The following PRELID2 variants were observed in gnomAD, a reference collection of about 807,000 sequenced individuals.
PRELID2 encodes PRELI domain-containing protein 2.
Under a neutral mutation model 28.4 loss-of-function variants are expected in PRELID2, and 25 were observed. The ratio of observed to expected loss-of-function variants is 0.88; its 90% CI spans 0.64 to 1.23. The LOEUF (loss-of-function observed/expected upper bound fraction) is 1.23. Ranked by LOEUF, PRELID2 falls within the 50% of genes most tolerant of loss-of-function variation. PRELID2 has a pLI of 0.00. For missense variants in PRELID2, 201 were observed against 214.4 expected, an observed-to-expected ratio of 0.94 and a Z score of 0.39; for synonymous variants, 76 against 71.6, an observed-to-expected ratio of 1.06 and a Z score of -0.31.
chr5:145,730,770 C>G (rs1003008341), intron 1 of PRELID2, among the ~76,000 whole-genome samples: 5 of 152,304 alleles, frequency 3.3e-5, no homozygotes, highest in Admixed American at 6.5e-5. Flanking sequence ...AATAACATCT[C>G]TAACCAGAAA....
chr5:145,336,220 G>C, the PRELID2 span, among the ~76,000 whole-genome samples: 3 of 151,996 alleles, frequency 2.0e-5, no homozygotes, highest in Non-Finnish European at 4.4e-5. Flanking sequence ...CCATTTTGTA[G>C]GTTGCCTGTT....
intron 1 of PRELID2, among the ~76,000 whole-genome samples, chr5:145,489,716 T>G (rs1221362552): frequency 6.6e-6 from 1 of 152,114 alleles, no homozygotes; most frequent in East Asian, 1.9e-4. Flanking sequence ...TTCCTCATAA[T>G]CACCAGGTTA....
chr5:145,626,992 C>T (rs780001323), intron 1 of PRELID2, among the ~76,000 whole-genome samples: 50 of 150,762 alleles, frequency 3.3e-4, no homozygotes, highest in Non-Finnish European at 6.3e-4. Flanking sequence ...CCCAGCTATT[C>T]TAGAGGCTGA....
rs1234564956 is a variant in PRELID2 at position 145,740,882 on chromosome 5, G to A, written n.70+24049C>T. 3.2e-5 allele frequency among the ~76,000 whole-genome samples: 3 copies of A among 93,622 alleles called. 1 individual carries two copies. The highest frequency in any genetic ancestry group is 4.8e-5 in the African/African-American group (1 of 20,806). The allele number at this position is 93,622 out of a possible 152,430, so 61.4% of individuals were successfully genotyped here. ...CATATATTTATCGATAAATATATAT[G>A]TACATATATTTATCGATAAATATAT... On this transcript the variant is annotated intron_variant and non_coding_transcript_variant, in intron 1 of 2. Coordinates refer to the PRELID2 transcript ENST00000510259.
downstream of PRELID2, among the ~76,000 whole-genome samples, chr5:145,468,418 T>C (rs1752022925): frequency 6.6e-6 from 1 of 152,190 alleles, no homozygotes; most frequent in South Asian, 2.1e-4. Flanking sequence ...TTATAATCCT[T>C]TGGGTATATA....
the PRELID2 span, among the ~76,000 whole-genome samples, chr5:145,269,225 T>C: frequency 4.3e-4 from 66 of 152,164 alleles, no homozygotes; most frequent in South Asian, 2.1e-3. Flanking sequence ...AAAGAATTCT[T>C]TAAAATAAGA....
the PRELID2 span, among the ~76,000 whole-genome samples, chr5:145,330,124 A>G: frequency 1.3e-5 from 2 of 152,120 alleles, no homozygotes; most frequent in African/African-American, 2.4e-5. Context: ...GAATGAAGCC[A>G]AGTTGATCAT....
At chr5:145,658,367 T>G (rs886598689) in intron 1 of PRELID2, among the ~76,000 whole-genome samples, 3 of 152,202 alleles carry the variant, frequency 2.0e-5, no homozygotes, top group African/African-American at 4.8e-5. Flanking sequence ...TAATGGAGCA[T>G]GCATTTCCAT....
the PRELID2 span, among the ~76,000 whole-genome samples, chr5:145,458,597 G>A: frequency 1.9e-3 from 289 of 152,228 alleles, 1 homozygote; most frequent in African/African-American, 6.7e-3. Flanking sequence ...AGAAACCATG[G>A]ATGCTGTATA....
chr5:145,389,064 C>A, the PRELID2 span, among the ~76,000 whole-genome samples: 3 of 152,074 alleles, frequency 2.0e-5, no homozygotes, highest in Admixed American at 1.3e-4. Context: ...AAATATTTAC[C>A]AAATGAATAT....
chr5:145,786,655 A>G (rs112683084), intron 5 of PRELID2, among the ~76,000 whole-genome samples: 2 of 152,356 alleles, frequency 1.3e-5, no homozygotes, highest in Non-Finnish European at 2.9e-5. Flanking sequence ...GGTAATACAT[A>G]TGTGTTGTTT....
chr5:145,770,775 G>A (rs1758052190), intron 5 of PRELID2, among the ~76,000 whole-genome samples: 1 of 152,082 alleles, frequency 6.6e-6, no homozygotes, highest in Non-Finnish European at 1.5e-5. Flanking sequence ...ATAGAAAAAA[G>A]TTTCTAGAAT....
Position 145,711,276 on chromosome 5 carries a change from T to C in PRELID2, n.70+53655A>G, listed in dbSNP as rs374594165. Among the ~76,000 whole-genome samples, 479 of 152,270 alleles carry C rather than the reference T, an allele frequency of 3.1e-3. 1 individual carries two copies. The highest frequency in any genetic ancestry group is 0.011 in the African/African-American group (442 of 41,544). The stretch of plus-strand genomic sequence containing the variant: ...TAACAAAAAGAATAGGACAGTGACC[T>C]ACAAAATCGCAGTTTTGTGGAGGCC... On this transcript the variant is annotated intron_variant and non_coding_transcript_variant, in intron 1 of 2. Coordinates refer to the PRELID2 transcript ENST00000510259.
rs144261153 is a variant in PRELID2, at chr5:145,639,894, C to A, written n.70+125037G>T. ...TTTTCTCTTTAACTTAGCCTATACT[C>A]CCAGATGGCCAAAAGCAGTTGAAGC... is the stretch of plus-strand genomic sequence containing the variant. On this transcript the variant is annotated intron_variant and non_coding_transcript_variant, in intron 1 of 2. Transcript: ENST00000510259. Among the ~76,000 whole-genome samples the A allele has an allele frequency of 3.7e-3, 570 of 152,262 alleles. 2 individuals carry two copies. The highest frequency in any genetic ancestry group is 0.013 in the African/African-American group (553 of 41,538).
chr5:145,499,076 C>T (rs1261970201), intron 1 of PRELID2, among the ~76,000 whole-genome samples: 1 of 151,972 alleles, frequency 6.6e-6, no homozygotes, highest in Non-Finnish European at 1.5e-5. Flanking sequence ...AGCAAGACTC[C>T]ATCACTAGGA....
intron 1 of PRELID2, among the ~76,000 whole-genome samples, chr5:145,563,060 G>T (rs1752937351): frequency 6.6e-6 from 1 of 152,174 alleles, no homozygotes; most frequent in Admixed American, 6.5e-5. Flanking sequence ...ACCATTCTTT[G>T]TTAATGTGGC....
chr5:145,338,849 A>G, the PRELID2 span, among the ~76,000 whole-genome samples: 2 of 152,252 alleles, frequency 1.3e-5, no homozygotes, highest in Non-Finnish European at 2.9e-5. Flanking sequence ...ACTATTCACT[A>G]TGCCCTTGTG....
At chr5:145,418,521 T>C in the PRELID2 span, among the ~76,000 whole-genome samples, 1 of 151,782 alleles carries the variant, frequency 6.6e-6, no homozygotes. Flanking sequence ...AACAGCATGG[T>C]ATAAGAACAG....
chr5:145,668,365 T>TAA (rs200831248), intron 1 of PRELID2, among the ~76,000 whole-genome samples: 2 of 141,916 alleles, frequency 1.4e-5, no homozygotes, highest in Non-Finnish European at 1.6e-5. Flanking sequence ...TGAAGGTGGT[T>TAA]AAAAAAAAAA....
Sources: allele counts gnomAD v4.1 joint callset (sites outside exome capture counted in the v4.1 genomes callset), GRCh38; gene constraint gnomAD v4.1.1; transcripts MANE v1.5; gene names NCBI Gene and HGNC (gene_info 2026-07-23, HGNC 2026-07-21).